The following SPDYE10 variants were observed in gnomAD, a reference collection of about 807,000 sequenced individuals.
The protein encoded by SPDYE10 is speedy protein E10.
the SPDYE10 span, among the ~76,000 whole-genome samples, chr7:73,123,015 T>C: frequency 6.6e-6 from 1 of 152,120 alleles, no homozygotes; most frequent in Non-Finnish European, 1.5e-5. Flanking sequence ...TGCACAGCAC[T>C]GAGGGCCACT....
the SPDYE10 span, among the ~76,000 whole-genome samples, chr7:73,114,973 T>C: frequency 2.0e-5 from 3 of 151,670 alleles, no homozygotes; most frequent in African/African-American, 7.3e-5. Flanking sequence ...CTGGGCTCAC[T>C]GCAACCTCCG....
At chr7:73,127,081 G>GC in the SPDYE10 span, among the ~76,000 whole-genome samples, 8 of 54,088 alleles carry the variant, frequency 1.5e-4, no homozygotes, top group African/African-American at 8.9e-4. Context: ...ACCACGCCTG[G>GC]CTTTTTTTTT....
chr7:73,115,222 C>T, the SPDYE10 span, among the ~76,000 whole-genome samples: 1 of 152,152 alleles, frequency 6.6e-6, no homozygotes, highest in African/African-American at 2.4e-5. Flanking sequence ...GTTTGGTCAC[C>T]TGGTGCCTCT....
At chr7:73,116,900 T>G in the SPDYE10 span, among the ~76,000 whole-genome samples, 1 of 151,108 alleles carries the variant, frequency 6.6e-6, no homozygotes, top group Admixed American at 6.6e-5. Flanking sequence ...CAGATTTGTT[T>G]TTTTTTTTTT....
the SPDYE10 span, among the ~76,000 whole-genome samples, chr7:73,120,777 G>T: frequency 1.3e-5 from 2 of 148,530 alleles, no homozygotes; most frequent in South Asian, 2.1e-4. Context: ...AACAGAGGGA[G>T]ATTCTGTCTC....
the SPDYE10 span, among the ~76,000 whole-genome samples, chr7:73,115,343 T>C: frequency 2.0e-5 from 3 of 152,096 alleles, no homozygotes; most frequent in Non-Finnish European, 4.4e-5. Context: ...ACAAAACCTG[T>C]ACAGAATCCT....
At chr7:73,115,188 A>G in the SPDYE10 span, among the ~76,000 whole-genome samples, 1 of 152,102 alleles carries the variant, frequency 6.6e-6, no homozygotes, top group African/African-American at 2.4e-5. Context: ...GAGCCACCAC[A>G]CCTGGACTGT....
At chr7:73,147,838 G>GTCTA in the SPDYE10 span, among the ~76,000 whole-genome samples, 1 of 148,602 alleles carries the variant, frequency 6.7e-6, no homozygotes, top group African/African-American at 2.6e-5. Context: ...TTGAGACAGA[G>GTCTA]TCTAGTTGCC....
the SPDYE10 span, among the ~76,000 whole-genome samples, chr7:73,123,789 CTCTCTCTCTCTCTCT>C: frequency 3.3e-3 from 129 of 38,658 alleles, no homozygotes; most frequent in Middle Eastern, 0.024. Flanking sequence ...CTCTCTCTCC[CTCTCTCTCTCTCTCT>C]CTCTCTCTCT....
chr7:73,139,543 G>A, the SPDYE10 span, among the ~76,000 whole-genome samples: 2 of 142,982 alleles, frequency 1.4e-5, no homozygotes, highest in Admixed American at 7.0e-5. Flanking sequence ...GGCTGGTCTC[G>A]AACTCCTGAC....
the SPDYE10 span, among the ~76,000 whole-genome samples, chr7:73,145,393 G>A: frequency 4.2e-5 from 6 of 143,842 alleles, no homozygotes; most frequent in African/African-American, 8.1e-5. Context: ...GACAACAGAC[G>A]TGCGCCACCA....
chr7:73,114,073 C>G, the SPDYE10 span, among the ~76,000 whole-genome samples: 2 of 126,356 alleles, frequency 1.6e-5, no homozygotes, highest in Non-Finnish European at 3.4e-5. Flanking sequence ...CACCTGTAGT[C>G]TCAGCTACTC....
At chr7:73,123,943 GT>G in the SPDYE10 span, among the ~76,000 whole-genome samples, 1 of 151,406 alleles carries the variant, frequency 6.6e-6, no homozygotes, top group Non-Finnish European at 1.5e-5. Context: ...GGGTTTTTTT[GT>G]TTTTTTGTTT....
At chr7:73,114,320 T>TA in the SPDYE10 span, among the ~76,000 whole-genome samples, 1 of 137,222 alleles carries the variant, frequency 7.3e-6, no homozygotes, top group African/African-American at 2.6e-5. Context: ...CACACCTCTC[T>TA]AGAACAGTCA....
the SPDYE10 span, among the ~76,000 whole-genome samples, chr7:73,115,340 CT>C: frequency 6.6e-6 from 1 of 152,104 alleles, no homozygotes; most frequent in South Asian, 2.1e-4. Context: ...CCAACAAAAC[CT>C]GTACAGAATC....
At chr7:73,149,851 G>C in the SPDYE10 span, among the ~76,000 whole-genome samples, 1 of 109,402 alleles carries the variant, frequency 9.1e-6, no homozygotes, top group African/African-American at 4.1e-5. Flanking sequence ...CTTTCCGAGA[G>C]GGCAAGTCCC....
At chr7:73,150,944 ATATAT>A in the SPDYE10 span, among the ~76,000 whole-genome samples, 1 of 15,812 alleles carries the variant, frequency 6.3e-5, no homozygotes, top group Non-Finnish European at 1.0e-4. Flanking sequence ...ATATATATAT[ATATAT>A]TTTTTTTTTT....
At chr7:73,155,281 G>GGA in the SPDYE10 span, 1 of 422,452 alleles carries the variant, frequency 2.4e-6, no homozygotes, top group African/African-American at 2.5e-5. Flanking sequence ...GCGTCGCCAA[G>GGA]GAGAGTATCC....
chr7:73,149,645 C>G, the SPDYE10 span, among the ~76,000 whole-genome samples: 1 of 151,838 alleles, frequency 6.6e-6, no homozygotes, highest in Non-Finnish European at 1.5e-5. Context: ...TCTGGTTTCA[C>G]CTGGGCTCAT....
Sources: gnomAD v4.1 joint callset for allele counts (sites outside exome capture counted in the v4.1 genomes callset) on GRCh38, gnomAD v4.1.1 for gene constraint, MANE v1.5 for transcripts, NCBI Gene and HGNC (gene_info 2026-07-23, HGNC 2026-07-21) for gene names.